UBAP1: variants seen among roughly 807,000 people sequenced by gnomAD.
The protein encoded by UBAP1 is ubiquitin associated protein 1, also known as ubiquitin-associated protein 1.
In UBAP1, 5 loss-of-function variants were observed where a neutral mutation model predicts 39.0. The ratio of observed to expected loss-of-function variants is 0.13; its 90% confidence interval spans 0.07 to 0.27. The LOEUF is 0.27. UBAP1 is among the 10% of genes least tolerant of loss of function. The probability of loss-of-function intolerance (pLI) is 1.00; values close to 1 mark genes in which losing one functional copy is unlikely to be tolerated. For synonymous variants in UBAP1, 211 were observed against 225.1 expected, an observed-to-expected ratio of 0.94 and a Z score of 0.56; for missense variants, 490 against 608.1, an observed-to-expected ratio of 0.81 and a Z score of 2.04.
intron 4 of UBAP1, among the ~76,000 whole-genome samples, chr9:34,248,224 T>C (rs572700516): frequency 2.6e-4 from 40 of 152,086 alleles, no homozygotes; most frequent in South Asian, 1.0e-3. Flanking sequence ...TTAGTAGAGA[T>C]GGGGTTTCAC....
chr9:34,226,975 A>T (rs1210945415), intron 2 of UBAP1, among the ~76,000 whole-genome samples: 1 of 152,084 alleles, frequency 6.6e-6, no homozygotes, highest in African/African-American at 2.4e-5. Flanking sequence ...ACCCTTTAAC[A>T]TATTTATTAT....
intron 1 of UBAP1, among the ~76,000 whole-genome samples, chr9:34,203,072 T>C (rs1831490917): frequency 6.6e-6 from 1 of 152,192 alleles, no homozygotes; most frequent in Non-Finnish European, 1.5e-5. Context: ...AATCACTTTT[T>C]CTAAAAGTTT....
chr9:34,180,059 CT>C (rs1168291270), intron 1 of UBAP1, among the ~76,000 whole-genome samples: 7 of 152,102 alleles, frequency 4.6e-5, no homozygotes, highest in African/African-American at 1.7e-4. Flanking sequence ...TCTAACTTTA[CT>C]CGTTAGTGCT....
At chr9:34,236,294 C>A (rs1833698628) in intron 3 of UBAP1, among the ~76,000 whole-genome samples, 1 of 152,092 alleles carries the variant, frequency 6.6e-6, no homozygotes, top group South Asian at 2.1e-4. Flanking sequence ...AGGTTTATAG[C>A]CTAGGAGCAA....
intron 1 of UBAP1, among the ~76,000 whole-genome samples, chr9:34,196,477 G>A (rs948290400): frequency 2.6e-5 from 4 of 151,796 alleles, no homozygotes; most frequent in South Asian, 2.1e-4. Context: ...CACCACGCCC[G>A]GCTAATTTTT....
At chr9:34,195,013 A>C (rs1414607766) in intron 1 of UBAP1, among the ~76,000 whole-genome samples, 1 of 152,190 alleles carries the variant, frequency 6.6e-6, no homozygotes, top group Non-Finnish European at 1.5e-5. Context: ...ATTCTTGCTC[A>C]AACTCACTTT....
chr9:34,197,029 G>GT (rs1401703005), intron 1 of UBAP1, among the ~76,000 whole-genome samples: 1 of 151,764 alleles, frequency 6.6e-6, no homozygotes, highest in Non-Finnish European at 1.5e-5. Context: ...CTGGGTTCAA[G>GT]TGATTCTCCC....
intron 4 of UBAP1, among the ~76,000 whole-genome samples, chr9:34,248,397 G>A (rs1366908427): frequency 6.6e-6 from 1 of 152,152 alleles, no homozygotes; most frequent in Admixed American, 6.6e-5. Context: ...ATCCCACCAG[G>A]CATTTAGGAG....
At chr9:34,205,720 G>A (rs1050428909) in intron 1 of UBAP1, among the ~76,000 whole-genome samples, 3 of 152,170 alleles carry the variant, frequency 2.0e-5, no homozygotes, top group African/African-American at 4.8e-5. Context: ...TTGGCAGGAC[G>A]TGGTGGCTCA....
chr9:34,247,248 T>C lies in UBAP1; in HGVS notation c.1084-2531T>C, dbSNP rs528502076. On this transcript the variant is annotated intron_variant, in intron 4 of 6. Transcript: ENST00000297661. Reference sequence around the variant, plus strand: ...ATTAGCCTGTTGCCTGTTTGATTCATGAAACATTTATATGAAGGTGACATC... The same window carrying C: ...ATTAGCCTGTTGCCTGTTTGATTCACGAAACATTTATATGAAGGTGACATC... 5.3e-5 allele frequency among the ~76,000 whole-genome samples: 8 copies of C among 152,300 alleles called. No individual in the cohort carries two copies. In the South Asian group the frequency reaches 1.7e-3, roughly 32 times the overall value.
chr9:34,236,193 A>C (rs766983255), intron 3 of UBAP1, among the ~76,000 whole-genome samples: 10 of 151,894 alleles, frequency 6.6e-5, no homozygotes, highest in Non-Finnish European at 1.2e-4. Flanking sequence ...TTTTTACTGT[A>C]CCTTTTCTAT....
At chr9:34,190,802 C>CTTTTTTTTTTTT (rs373942127) in intron 1 of UBAP1, among the ~76,000 whole-genome samples, 1 of 116,648 alleles carries the variant, frequency 8.6e-6, no homozygotes, top group Non-Finnish European at 1.7e-5. Context: ...ATGCCTGGCT[C>CTTTTTTTTTTTT]TTTTTTTTTT....
chr9:34,226,132 TG>T (rs1468643700), intron 2 of UBAP1, among the ~76,000 whole-genome samples: 5 of 143,722 alleles, frequency 3.5e-5, no homozygotes, highest in African/African-American at 1.1e-4. Context: ...TGTGTGTGTG[TG>T]TGTGTGTGTG....
At chr9:34,233,887 T>A (rs1414727896) in intron 2 of UBAP1, among the ~76,000 whole-genome samples, 1 of 152,098 alleles carries the variant, frequency 6.6e-6, no homozygotes, top group African/African-American at 2.4e-5. Context: ...ATTAAGCCTG[T>A]CATCTTTAAA....
intron 4 of UBAP1, among the ~76,000 whole-genome samples, chr9:34,247,730 A>C (rs1279677319): frequency 6.6e-6 from 1 of 151,972 alleles, no homozygotes; most frequent in Non-Finnish European, 1.5e-5. Flanking sequence ...CTGTTTTTTC[A>C]CTTAATTCAG....
chr9:34,207,740 GT>G (rs2131548950), intron 1 of UBAP1, among the ~76,000 whole-genome samples: 1 of 150,958 alleles, frequency 6.6e-6, no homozygotes, highest in South Asian at 2.1e-4. Context: ...CAGTTCTCTT[GT>G]TTCAGCACAT....
chr9:34,231,388 G>A (rs907129896), intron 2 of UBAP1, among the ~76,000 whole-genome samples: 1 of 151,360 alleles, frequency 6.6e-6, no homozygotes, highest in Non-Finnish European at 1.5e-5. Flanking sequence ...CTAATTTCTT[G>A]TATTTTTAGT....
intron 1 of UBAP1, among the ~76,000 whole-genome samples, chr9:34,185,887 A>C (rs1310450332): frequency 1.3e-5 from 2 of 152,112 alleles, no homozygotes; most frequent in Admixed American, 1.3e-4. Flanking sequence ...CAGTTCTCAC[A>C]CTTGAATTAG....
Position 34,251,373 on chromosome 9 carries a change from GTTCTC to G in UBAP1, c.1369-12_1369-8del, listed in dbSNP as rs757243866. On this transcript the variant is annotated splice_polypyrimidine_tract_variant and intron_variant, in intron 6 of 6. Coordinates refer to ENST00000297661, the MANE Select transcript of UBAP1 (RefSeq NM_016525.5). ...GACCCCACCCTTTTCTTTAATCTGTGTTCTCTTCTCTCCCTTAGATGATGGAGTTT... is the reference window on the plus strand; with the variant it reads ...GACCCCACCCTTTTCTTTAATCTGTGTTCTCTCCCTTAGATGATGGAGTTT... The G allele has an allele frequency of 3.7e-6, 6 of 1,613,560 alleles. No homozygotes were observed. Among genetic ancestry groups the G allele is most frequent in the Admixed American group, 1.7e-5 (1 of 59,944 alleles).
Sources: allele counts gnomAD v4.1 joint callset (sites outside exome capture counted in the v4.1 genomes callset), GRCh38; gene constraint gnomAD v4.1.1; transcripts MANE v1.5; gene names NCBI Gene and HGNC (gene_info 2026-07-23, HGNC 2026-07-21).